The following KHDC4 variants were observed in gnomAD, a reference collection of about 807,000 sequenced individuals.
The protein encoded by KHDC4 is KH homology domain-containing protein 4.
Under a neutral mutation model 74.5 loss-of-function variants are expected in KHDC4, and 19 were observed. The ratio of observed to expected loss-of-function variants is 0.26; its 90% CI spans 0.18 to 0.37. The LOEUF (loss-of-function observed/expected upper bound fraction) is 0.37. Ranked by LOEUF, KHDC4 falls within the 10% of genes least tolerant of loss-of-function variation. The pLI, the probability that KHDC4 is intolerant of heterozygous loss-of-function variation, is 1.00. For missense variants in KHDC4, 632 were observed against 754.1 expected (o/e 0.84, Z 1.90); for synonymous variants, 253 against 266.1 (o/e 0.95, Z 0.48).
intron 3 of KHDC4, 38 bp downstream of exon 3, chr1:155,929,674 C>T: frequency 6.3e-7 from 1 of 1,596,322 alleles, no homozygotes; most frequent in Non-Finnish European, 8.5e-7. Context: ...TCTGAATCCA[C>T]TCACCGCCCT....
intron 7 of KHDC4, 66 bp downstream of exon 7, chr1:155,925,566 A>G: frequency 1.6e-6 from 2 of 1,289,782 alleles, no homozygotes; most frequent in Non-Finnish European, 2.2e-6. Context: ...GCTCCTTCTG[A>G]ATCACTCCTG....
chr1:155,915,799 G>T, intron 13 of KHDC4, 74 bp downstream of exon 13: 1 of 971,500 alleles, frequency 1.0e-6, no homozygotes, highest in Non-Finnish European at 1.6e-6. Flanking sequence ...GAGCCACTGC[G>T]CCCGGCTGAG....
rs758415291 is a variant in KHDC4, at chr1:155,929,280, A to C, written c.464+16T>G. The C allele has an allele frequency of 5.0e-6, 8 of 1,592,220 alleles. No homozygotes were observed. Among genetic ancestry groups the C allele is most frequent in the East Asian group, 4.5e-5 (2 of 44,762 alleles). On this transcript the variant is annotated intron_variant, in intron 4 of 13. Coordinates refer to ENST00000368321, the MANE Select transcript of KHDC4 (RefSeq NM_014949.4). ...TACACCCAACCCTTCCATAAACAAGATAAGAGAATACGCACCCTGGTCCCA... is the reference window on the plus strand; with the variant it reads ...TACACCCAACCCTTCCATAAACAAGCTAAGAGAATACGCACCCTGGTCCCA...
At chr1:155,917,198 T>A (rs1030083307) in intron 11 of KHDC4, among the ~76,000 whole-genome samples, 2 of 152,098 alleles carry the variant, frequency 1.3e-5, no homozygotes, top group Admixed American at 6.6e-5. Flanking sequence ...GTGGGGAGAC[T>A]GGAGGGAGAT....
At chr1:155,922,361 G>C (rs1673886748) in intron 8 of KHDC4, among the ~76,000 whole-genome samples, 1 of 152,058 alleles carries the variant, frequency 6.6e-6, no homozygotes, top group South Asian at 2.1e-4. Context: ...TGGCCAGGCT[G>C]GTCTCGAACT....
At chr1:155,924,751 T>C (rs1673946662) in intron 7 of KHDC4, among the ~76,000 whole-genome samples, 1 of 151,624 alleles carries the variant, frequency 6.6e-6, no homozygotes, top group African/African-American at 2.4e-5. Flanking sequence ...TTTTTATACT[T>C]TTAGGAGAGT....
intron 12 of KHDC4, among the ~76,000 whole-genome samples, 159 bp downstream of exon 12, chr1:155,916,465 AT>A (rs1673733022): frequency 6.6e-6 from 1 of 152,220 alleles, no homozygotes. Context: ...GGCCTATCAT[AT>A]TTTACTTCAT....
At chr1:155,916,589 A>T in intron 12 of KHDC4, 36 bp downstream of exon 12, 1 of 1,375,728 alleles carries the variant, frequency 7.3e-7, no homozygotes, top group Non-Finnish European at 1.0e-6. Flanking sequence ...CAAACAAATA[A>T]CATCTGAATA....
Position 155,914,184 on chromosome 1 carries a change from T to G in KHDC4, c.1782A>C (p.Gly594=). ...GTGGTTGTGATGAAGGATATTGGTA[T>G]CCCAAACTCCAGCCCTGTGGAAAAC... ...ASSFPQGWSL[G]YQYPSSQPRA... The change falls in exon 14 of 14, where the codon GGA becomes GGC. Residue 594 remains glycine, a synonymous_variant. Transcript: ENST00000368321. The G allele has an allele frequency of 1.2e-6, 2 of 1,614,144 alleles. No homozygotes were observed. The highest frequency in any genetic ancestry group is 1.7e-6 in the Non-Finnish European group (2 of 1,180,020).
chr1:155,924,354 G>A (rs1007665224), intron 7 of KHDC4, among the ~76,000 whole-genome samples: 4 of 151,460 alleles, frequency 2.6e-5, no homozygotes, highest in Admixed American at 6.6e-5. Flanking sequence ...CACTACAGGC[G>A]CCTGCCACCA....
chr1:155,913,262 TGC>T lies in KHDC4; in HGVS notation c.*857_*858del, dbSNP rs1176236688. The T allele has an allele frequency of 6.5e-6, 1 of 152,752 alleles. No homozygotes were observed. Among genetic ancestry groups the T allele is most frequent in the Non-Finnish European group, 1.5e-5 (1 of 68,042 alleles). 9.5% of individuals were successfully genotyped at this position (152,752 alleles called of 1,614,324 possible). On this transcript the variant is annotated 3_prime_UTR_variant, in exon 14 of 14. Coordinates refer to ENST00000368321, the MANE Select transcript of KHDC4 (RefSeq NM_014949.4). ...AAAGTTATTTTGGCAAAATCTGTAA[TGC>T]CAAGAAAAAGGACAATTTGCAATTT...
At chr1:155,925,933 G>A in intron 6 of KHDC4, 90 bp from the exon 7 acceptor site, 1 of 1,121,662 alleles carries the variant, frequency 8.9e-7, no homozygotes, top group Non-Finnish European at 1.3e-6. Context: ...TTATAGCAAA[G>A]ACAGTCTCCT....
intron 11 of KHDC4, 60 bp downstream of exon 11, chr1:155,917,439 A>C: frequency 7.5e-7 from 1 of 1,336,836 alleles, no homozygotes; most frequent in Non-Finnish European, 1.1e-6. Context: ...TATCTTTTTT[A>C]AAGGGAGAAT....
Position 155,921,546 on chromosome 1 carries a change from A to T in KHDC4, c.1095T>A (p.Pro365=), listed in dbSNP as rs1284519015. 6.2e-7 allele frequency: 1 copy of T among 1,614,166 alleles called. No individual in the cohort carries two copies. The change falls in exon 10 of 14, where the codon CCT becomes CCA. Residue 365 remains proline, a synonymous_variant. Coordinates refer to ENST00000368321, the MANE Select transcript of KHDC4 (RefSeq NM_014949.4). ...CTGGCTGCTGAGGAGGGGGAACAAC[A>T]GGGTAACCAGACTGATAGCCATTGG... ...YPSNGYQSGY[P]VVPPPQQPVQ... is the part of the protein sequence containing the mutation.
chr1:155,925,569 C>A, intron 7 of KHDC4, 63 bp downstream of exon 7: 1 of 1,312,538 alleles, frequency 7.6e-7, no homozygotes, highest in South Asian at 1.2e-5. Flanking sequence ...CCTTCTGAAT[C>A]ACTCCTGACT....
Position 155,915,968 on chromosome 1 carries a change from T to C in KHDC4, c.1554-4A>G, listed in dbSNP as rs1375897155. 23 of 1,561,392 alleles carry C rather than the reference T, an allele frequency of 1.5e-5. No individual in the cohort carries two copies. The highest frequency in any genetic ancestry group is 2.0e-5 in the Admixed American group (1 of 49,546). On this transcript the variant is annotated splice_region_variant and splice_polypyrimidine_tract_variant and intron_variant, in intron 12 of 13. Transcript: ENST00000368321. ...GGCTGGTGGAGGCATCAACTGCCTA[T>C]TGAAAAACAAAATGAAACTTTCTTT...
chr1:155,934,188 C>T (rs1271842713), intron 1 of KHDC4, 148 bp downstream of exon 1: 2 of 918,196 alleles, frequency 2.2e-6, no homozygotes, highest in Non-Finnish European at 3.2e-6. Flanking sequence ...TTAAGGGCCC[C>T]AGGCCTGCTC....
At chr1:155,917,352 G>A in intron 11 of KHDC4, 147 bp downstream of exon 11, 2 of 721,776 alleles carry the variant, frequency 2.8e-6, no homozygotes, top group East Asian at 2.5e-5. Context: ...TCAAGAGTCT[G>A]TTGAATAGGA....
chr1:155,920,040 C>T (rs1673822810), intron 10 of KHDC4: 1 of 511,198 alleles, frequency 2.0e-6, no homozygotes, highest in African/African-American at 2.0e-5. Context: ...AAATCCATTA[C>T]CATGCTCTCA....
Sources: allele counts gnomAD v4.1 joint callset (sites outside exome capture counted in the v4.1 genomes callset), GRCh38; gene constraint gnomAD v4.1.1; transcripts MANE v1.5; gene names NCBI Gene and HGNC (gene_info 2026-07-23, HGNC 2026-07-21).